The following SNTG2 variants were observed in gnomAD, a reference collection of about 807,000 sequenced individuals.
The protein encoded by SNTG2 is syntrophin gamma 2.
Under a neutral mutation model 70.9 loss-of-function variants are expected in SNTG2, and 74 were observed. The ratio of observed to expected loss-of-function variants is 1.04; its 90% CI spans 0.86 to 1.27. SNTG2 has a LOEUF of 1.27. Among genes scored for constraint, SNTG2 ranks in the 50% most tolerant of loss-of-function variants. The pLI, the probability that SNTG2 is intolerant of heterozygous loss-of-function variation, is 0.00. For missense variants in SNTG2, 717 were observed against 690.7 expected (o/e 1.04, Z -0.43); for synonymous variants, 278 against 273.8 (o/e 1.02, Z -0.15).
Position 1,209,194 on chromosome 2 carries a change from G to A in SNTG2, c.683G>A (p.Arg228His), listed in dbSNP as rs746789025. ...DTLSVPLSMA[R>H]ISRYKAGTEK... ...TTGTCCGTGCCTCTGTCCATGGCTC[G>A]CATCTCAAGGTACAAAGCCGGAACG... Residue 228 changes from arginine (R) to histidine (H), a missense_variant, in exon 9 of 17, where the codon CGC becomes CAC. Transcript: ENST00000308624. 37 of 1,613,832 alleles carry A rather than the reference G, an allele frequency of 2.3e-5. No homozygotes were observed. The highest frequency in any genetic ancestry group is 1.5e-4 in the Admixed American group (9 of 59,994).
intron 14 of SNTG2, among the ~76,000 whole-genome samples, chr2:1,306,497 G>A (rs549009639): frequency 2.6e-5 from 4 of 152,364 alleles, no homozygotes; most frequent in African/African-American, 7.2e-5. Flanking sequence ...AGACAAGTGA[G>A]GAAGAGCCTC....
intron 8 of SNTG2, among the ~76,000 whole-genome samples, chr2:1,194,053 A>G (rs1672757651): frequency 6.6e-6 from 1 of 152,258 alleles, no homozygotes. Flanking sequence ...AGGTGTGCAC[A>G]GGGCAGGAAT....
intron 8 of SNTG2, among the ~76,000 whole-genome samples, chr2:1,201,672 T>C (rs1322935139): frequency 6.6e-6 from 1 of 152,016 alleles, no homozygotes; most frequent in African/African-American, 2.4e-5. Context: ...GGATTTTTAA[T>C]ACCTTGTTTT....
At chr2:1,117,572 G>A (rs1357855906) in intron 4 of SNTG2, among the ~76,000 whole-genome samples, 1 of 152,154 alleles carries the variant, frequency 6.6e-6, no homozygotes, top group Non-Finnish European at 1.5e-5. Flanking sequence ...TTCTGGGGCT[G>A]AGCAGATGAG....
At chr2:1,114,426 T>A (rs967625999) in intron 4 of SNTG2, among the ~76,000 whole-genome samples, 11 of 151,996 alleles carry the variant, frequency 7.2e-5, no homozygotes, top group Non-Finnish European at 1.2e-4. Flanking sequence ...CTAAGTGAGG[T>A]TTAACCCTTA....
chr2:1,221,176 C>T (rs1674738145), intron 9 of SNTG2, among the ~76,000 whole-genome samples: 1 of 152,234 alleles, frequency 6.6e-6, no homozygotes, highest in South Asian at 2.1e-4. Context: ...TCCCCACCCG[C>T]ACTGTGTGAC....
chr2:1,111,265 A>G (rs766202672), intron 4 of SNTG2, among the ~76,000 whole-genome samples: 3 of 152,240 alleles, frequency 2.0e-5, no homozygotes, highest in Non-Finnish European at 4.4e-5. Context: ...AAAAAGAATC[A>G]CAAGAAACAT....
intron 8 of SNTG2, among the ~76,000 whole-genome samples, chr2:1,192,579 A>C (rs919730190): frequency 6.6e-6 from 1 of 152,164 alleles, no homozygotes; most frequent in African/African-American, 2.4e-5. Context: ...GAATTAAAGC[A>C]AGGCTCCATC....
intron 1 of SNTG2, among the ~76,000 whole-genome samples, chr2:1,042,107 C>T (rs1006311295): frequency 6.6e-6 from 1 of 152,190 alleles, no homozygotes; most frequent in African/African-American, 2.4e-5. Context: ...CTTGATTTCA[C>T]AGATGCTGAA....
intron 1 of SNTG2, among the ~76,000 whole-genome samples, chr2:1,031,858 A>C (rs978031691): frequency 1.9e-4 from 29 of 152,104 alleles, no homozygotes; most frequent in African/African-American, 7.0e-4. Context: ...ACAGAAACTG[A>C]AAGTAGATTT....
At chr2:1,216,724 C>A (rs1287977151) in intron 9 of SNTG2, among the ~76,000 whole-genome samples, 3 of 152,180 alleles carry the variant, frequency 2.0e-5, no homozygotes, top group African/African-American at 7.2e-5. Context: ...CTTGTGTGAA[C>A]AGTAGTAATG....
At chr2:1,273,412 G>A (rs1232463108) in intron 14 of SNTG2, among the ~76,000 whole-genome samples, 11 of 152,086 alleles carry the variant, frequency 7.2e-5, no homozygotes, top group Non-Finnish European at 1.5e-4. Flanking sequence ...GATATCAGGT[G>A]CAACAGAATT....
intron 2 of SNTG2, among the ~76,000 whole-genome samples, chr2:1,096,757 G>A (rs945195170): frequency 2.0e-5 from 3 of 152,168 alleles, no homozygotes; most frequent in Non-Finnish European, 2.9e-5. Context: ...TATCTTGGCT[G>A]TTGTCAGTAA....
At chr2:1,181,163 C>T (rs1243870756) in intron 8 of SNTG2, among the ~76,000 whole-genome samples, 2 of 152,106 alleles carry the variant, frequency 1.3e-5, no homozygotes, top group South Asian at 2.1e-4. Flanking sequence ...CACATGTATA[C>T]ATATGTAACT....
chr2:1,199,109 A>AAC lies in SNTG2; in HGVS notation c.592-9990_592-9989dup, dbSNP rs201601069. ...AAACAACAGGCCAATATTTCTGATG[A>AAC]ACACAGACACAAAAACCCTCAATAA... On this transcript the variant is annotated intron_variant, in intron 8 of 16. Transcript: ENST00000308624. Among the ~76,000 whole-genome samples the AAC allele has an allele frequency of 5.6e-3, 782 of 140,744 alleles. 7 individuals are homozygous for AAC. Among genetic ancestry groups the AAC allele is most frequent in the African/African-American group, 0.019 (741 of 38,408 alleles). 92.3% of individuals were successfully genotyped at this position (140,744 alleles called of 152,430 possible).
At chr2:1,299,985 C>T (rs1385722451) in intron 14 of SNTG2, among the ~76,000 whole-genome samples, 3 of 134,580 alleles carry the variant, frequency 2.2e-5, no homozygotes, top group African/African-American at 8.7e-5. Context: ...AGGGCACTTA[C>T]CATCACTGCT....
At chr2:1,098,491 AGATATGTGTTTTGCTC>A (rs1665545547) in intron 4 of SNTG2, 81 bp downstream of exon 4, 2 of 1,440,570 alleles carry the variant, frequency 1.4e-6, no homozygotes, top group Non-Finnish European at 1.9e-6. Context: ...AAAAATCAGC[AGATATGTGTTTTGCTC>A]GATTACCTAA....
Position 1,262,739 on chromosome 2 carries a change from G to GGAAGGCTCCGTCCAGACGAGGCAACCC in SNTG2, c.1077+3309_1077+3310insCCAGACGAGGCAACCCGAAGGCTCCGT, listed in dbSNP as rs1558611051. On this transcript the variant is annotated intron_variant, in intron 13 of 16. Coordinates refer to ENST00000308624, the MANE Select transcript of SNTG2 (RefSeq NM_018968.4). ...AAGGCTCCGTCCAGACGAGGCAACC[G>GGAAGGCTCCGTCCAGACGAGGCAACCC]GAAGGCTCCGTGCAGACGAGGCAAC... 1.2e-4 allele frequency: 12 copies of GGAAGGCTCCGTCCAGACGAGGCAACCC among 101,924 alleles called. 1 individual carries two copies. Among genetic ancestry groups the GGAAGGCTCCGTCCAGACGAGGCAACCC allele is most frequent in the African/African-American group, 2.2e-4 (7 of 31,640 alleles). The allele number at this position is 101,924 out of a possible 1,614,324, so 6.3% of individuals were successfully genotyped here. A position where few individuals can be genotyped will look rare whatever the true frequency, so the allele number is the denominator to read the frequency against.
chr2:1,188,894 T>C (rs1375239528), intron 8 of SNTG2, among the ~76,000 whole-genome samples: 1 of 152,148 alleles, frequency 6.6e-6, no homozygotes, highest in African/African-American at 2.4e-5. Context: ...AATCTTTAAA[T>C]GAATTCCCAT....
Sources: allele counts gnomAD v4.1 joint callset (sites outside exome capture counted in the v4.1 genomes callset), GRCh38; gene constraint gnomAD v4.1.1; transcripts MANE v1.5; gene names NCBI Gene and HGNC (gene_info 2026-07-23, HGNC 2026-07-21).